The following MUTYH variants were observed in gnomAD, a reference collection of about 807,000 sequenced individuals.
The protein encoded by MUTYH is adenine DNA glycosylase.
MUTYH carries 64 observed loss-of-function variants against 72.9 expected under a neutral mutation model. The observed-to-expected ratio is 0.88, with a 90% confidence interval of 0.72 to 1.08. The LOEUF is 1.08. Among genes scored for constraint, MUTYH ranks in the 50% least tolerant of loss-of-function variants. The pLI is 0.00. For synonymous variants in MUTYH, 234 were observed against 263.1 expected (o/e 0.89, Z 1.07); for missense variants, 633 against 671.0 (o/e 0.94, Z 0.63).
chr1:45,334,373 C>T lies in MUTYH; in HGVS notation c.115+18G>A. On this transcript the variant is annotated intron_variant, in intron 2 of 15. Transcript: ENST00000456914. ...CTTTCATGGCCAATGAGCCTTGGGCCACAACCTAGTTCCTTACCATCACAG... is the reference window on the plus strand; with the variant it reads ...CTTTCATGGCCAATGAGCCTTGGGCTACAACCTAGTTCCTTACCATCACAG... The T allele has an allele frequency of 6.2e-7, 1 of 1,613,856 alleles. No individual in the cohort carries two copies. The highest frequency in any genetic ancestry group is 8.5e-7 in the Non-Finnish European group (1 of 1,179,930).
rs786203213 is a variant in MUTYH, at chr1:45,333,314, TC to T, written c.274del (p.Glu92ArgfsTer26). The T allele has an allele frequency of 3.7e-6, 6 of 1,614,214 alleles. No individual in the cohort carries two copies. Among genetic ancestry groups the T allele is most frequent in the Non-Finnish European group, 5.1e-6 (6 of 1,180,036 alleles). ...ATATGCCCGCCTGTCCAGGTCCATC[TC>T]ATCTTCTGCCTGTCAATGCAACCCC... ...DLPWRRRAED[E>X]MDLDRRAYAV... On this transcript the variant is annotated frameshift_variant, in exon 4 of 16. Coordinates refer to ENST00000456914, the MANE Select transcript of MUTYH (RefSeq NM_001048174.2). LOFTEE classifies it high-confidence loss of function.
intron 14 of MUTYH, among the ~76,000 whole-genome samples, chr1:45,330,957 C>T (rs754915140): frequency 8.6e-5 from 13 of 151,798 alleles, no homozygotes; most frequent in African/African-American, 2.4e-4. Context: ...TGGTGGCGGG[C>T]GCCTGTAATC....
At chr1:45,339,750 C>T (rs946516871) in intron 1 of MUTYH, 149 bp downstream of exon 1, 4 of 1,034,110 alleles carry the variant, frequency 3.9e-6, no homozygotes, top group Admixed American at 2.4e-5. Context: ...AGCTCTCCAT[C>T]CTCTCTGGGA....
chr1:45,332,540 G>GC (rs750356491), intron 8 of MUTYH, 34 bp downstream of exon 8: 1 of 1,613,896 alleles, frequency 6.2e-7, no homozygotes, highest in Non-Finnish European at 8.5e-7. Context: ...AGGAGGCTGG[G>GC]CACGCACAAA....
At position 45,332,969 on chromosome 1, in the gene MUTYH, C is replaced by G. The variant is rs1553129380; in HGVS notation, c.379-10G>C. Reference sequence around the variant, plus strand: ...GCAGTGTAGGCCACTTCTATAGCCACAGGCAGGCAGAAAGAGACAAGGTCA... The same window carrying G: ...GCAGTGTAGGCCACTTCTATAGCCAGAGGCAGGCAGAAAGAGACAAGGTCA... On this transcript the variant is annotated splice_polypyrimidine_tract_variant and intron_variant, in intron 5 of 15. Transcript: ENST00000456914. 6.2e-7 allele frequency: 1 copy of G among 1,614,128 alleles called. No homozygotes were observed.
At chr1:45,336,052 A>T (rs1419470479) in intron 1 of MUTYH, among the ~76,000 whole-genome samples, 1 of 152,236 alleles carries the variant, frequency 6.6e-6, no homozygotes, top group East Asian at 1.9e-4. Context: ...ACCCTTTCAC[A>T]GGTATTGTGT....
chr1:45,334,493 G>C lies in MUTYH; in HGVS notation c.13C>G (p.Arg5Gly), dbSNP rs587780088. ...CTGTGACCACTTCCCACGGCTGCTCGTGGCTTCCTCATGATGGCCTGAAAC... is the reference window on the plus strand; with the variant it reads ...CTGTGACCACTTCCCACGGCTGCTCCTGGCTTCCTCATGATGGCCTGAAAC... The part of the protein sequence containing the change: MRKP[R>G]AAVGSGHRKQ... The change falls in exon 2 of 16, where the codon CGA becomes GGA. Residue 5 changes from arginine (R) to glycine (G), a missense_variant. Coordinates refer to ENST00000456914, the MANE Select transcript of MUTYH (RefSeq NM_001048174.2). 2.5e-6 allele frequency: 4 copies of C among 1,614,076 alleles called. No homozygotes were observed. The highest frequency in any genetic ancestry group is 3.4e-6 in the Non-Finnish European group (4 of 1,179,974).
Position 45,331,732 on chromosome 1 carries a change from G to C in MUTYH, c.1031C>G (p.Ser344Cys), listed in dbSNP as rs763862261. 6.2e-7 allele frequency: 1 copy of C among 1,614,082 alleles called. No individual in the cohort carries two copies. ...AGGCTGTTCCAGAACACAGGTGGCA[G>C]AGCTCTCCTCCCTGGGGGGCTTGCG... The part of the protein sequence containing the change: ...ASRKPPREES[S>C]ATCVLEQPGA... Residue 344 changes from serine to cysteine, a missense_variant, in exon 12 of 16, where the codon TCT becomes TGT. Transcript: ENST00000456914.
intron 1 of MUTYH, 102 bp downstream of exon 1, chr1:45,339,797 A>G: frequency 7.8e-7 from 1 of 1,276,756 alleles, no homozygotes; most frequent in Non-Finnish European, 1.0e-6. Flanking sequence ...TTTCCCCCAC[A>G]CGACCCTCTC....
In MUTYH at chr1:45,331,772, G is replaced by A; in HGVS notation, c.991C>T (p.Pro331Ser). 1 of 1,613,790 alleles carries A rather than the reference G, an allele frequency of 6.2e-7. No individual in the cohort carries two copies. Reference sequence around the variant, plus strand: ...GGGGGCTTGCGGCTGGCCTTTCTGGGGAAGTTGACCACTCCCAGGGTCTGG... The same window carrying A: ...GGGGGCTTGCGGCTGGCCTTTCTGGAGAAGTTGACCACTCCCAGGGTCTGG... The part of the protein sequence containing the change: ...WDQTLGVVNF[P>S]RKASRKPPRE... Residue 331 changes from proline to serine, a missense_variant, in exon 12 of 16, where the codon CCC becomes TCC. Coordinates refer to ENST00000456914, the MANE Select transcript of MUTYH (RefSeq NM_001048174.2).
At chr1:45,335,584 C>T (rs996980587) in intron 1 of MUTYH, among the ~76,000 whole-genome samples, 1 of 152,238 alleles carries the variant, frequency 6.6e-6, no homozygotes, top group African/African-American at 2.4e-5. Flanking sequence ...AGGCCAGGCA[C>T]GGTGGCTCAT....
chr1:45,332,616 C>T lies in MUTYH; in HGVS notation c.564G>A (p.Gly188=), dbSNP rs760562341. The part of the protein sequence containing the change: ...ETLQQLLPGV[G]RYTAGAIASI... ...AGGCAATGGCCCCAGCTGTGTAGCG[C>T]CCCACGCCAGGCAGGAGCTGCTGCA... Residue 188 remains glycine, a synonymous_variant, in exon 8 of 16, where the codon GGG becomes GGA. Coordinates refer to ENST00000456914, the MANE Select transcript of MUTYH (RefSeq NM_001048174.2). 2.5e-6 allele frequency: 4 copies of T among 1,614,034 alleles called. No homozygotes were observed. In the African/African-American group the frequency reaches 5.3e-5, roughly 22 times the overall value.
chr1:45,329,477 G>C (rs767005489), intron 15 of MUTYH, 40 bp from the exon 16 acceptor site: 1 of 1,612,294 alleles, frequency 6.2e-7, no homozygotes, highest in South Asian at 1.1e-5. Context: ...GTAGTTGGGG[G>C]AGGGGGAGCA....
In MUTYH at chr1:45,338,635, G is replaced by A. The variant is rs566980910; in HGVS notation, c.-7+1264C>T. 56 of 245,450 alleles carry A rather than the reference G, an allele frequency of 2.3e-4. No homozygotes were observed. In the East Asian group the frequency reaches 3.3e-3, roughly 14 times the overall value. The allele number at this position is 245,450 out of a possible 1,614,324, so 15.2% of individuals were successfully genotyped here. ...GGTGTGTGTCCAAAGTCAGTGCCAG[G>A]TAAACTGTACACAATAGATACCTGT... is the stretch of plus-strand genomic sequence containing the variant. On this transcript the variant is annotated intron_variant, in intron 1 of 15. Coordinates refer to ENST00000456914, the MANE Select transcript of MUTYH (RefSeq NM_001048174.2).
rs2149188841 is a variant in MUTYH at position 45,334,472 on chromosome 1, G to C, written c.34C>G (p.His12Asp). ...TCCTGGCTGGCTGCCTGCTTCCTGTGACCACTTCCCACGGCTGCTCGTGGC... is the reference window on the plus strand; with the variant it reads ...TCCTGGCTGGCTGCCTGCTTCCTGTCACCACTTCCCACGGCTGCTCGTGGC... ...RKPRAAVGSG[H>D]RKQAASQEGR... The change falls in exon 2 of 16, where the codon CAC becomes GAC. Residue 12 changes from histidine (H) to aspartate (D), a missense_variant. Transcript: ENST00000456914. The C allele has an allele frequency of 6.2e-7, 1 of 1,614,078 alleles. No homozygotes were observed. The highest frequency in any genetic ancestry group is 8.5e-7 in the Non-Finnish European group (1 of 1,180,002).
intron 1 of MUTYH, 108 bp downstream of exon 1, chr1:45,339,791 C>T: frequency 8.0e-7 from 1 of 1,256,508 alleles, no homozygotes; most frequent in Non-Finnish European, 1.1e-6. Flanking sequence ...CCCTTCTTTC[C>T]CCCACACGAC....
upstream of MUTYH, chr1:45,340,117 G>C (rs1646782056): frequency 1.3e-6 from 2 of 1,562,730 alleles, no homozygotes; most frequent in Non-Finnish European, 1.7e-6. Context: ...GACCCGGGAC[G>C]TCTGAACGGA....
Position 45,329,370 on chromosome 1 carries a change from AG to A in MUTYH, c.1501del (p.Leu501TrpfsTer42), listed in dbSNP as rs1484876251. On this transcript the variant is annotated frameshift_variant, in exon 16 of 16. Coordinates refer to ENST00000456914, the MANE Select transcript of MUTYH (RefSeq NM_001048174.2). LOFTEE classifies it low-confidence loss of function (END_TRUNC). ...GATGTGAGACCGAAAGAAATTATCC[AG>A]GACTTGCTGGCCCATGCGGGGCTTT... ...RKKPRMGQQV[L>X]DNFFRSHIST... 1 of 1,614,104 alleles carries A rather than the reference AG, an allele frequency of 6.2e-7. No individual in the cohort carries two copies. Among genetic ancestry groups the A allele is most frequent in the African/African-American group, 1.3e-5 (1 of 74,932 alleles).
chr1:45,334,369 G>T (rs767704703), intron 2 of MUTYH, 22 bp downstream of exon 2: 3 of 1,613,496 alleles, frequency 1.9e-6, no homozygotes, highest in African/African-American at 1.3e-5. Flanking sequence ...AATGAGCCTT[G>T]GGCCACAACC....
Sources: gnomAD v4.1 joint callset for allele counts (sites outside exome capture counted in the v4.1 genomes callset) on GRCh38, gnomAD v4.1.1 for gene constraint, MANE v1.5 for transcripts, NCBI Gene and HGNC (gene_info 2026-07-23, HGNC 2026-07-21) for gene names.